KIF7: variants seen among roughly 807,000 people sequenced by gnomAD.
KIF7 encodes kinesin family member 7.
In KIF7, 104 loss-of-function variants were observed where a neutral mutation model predicts 135.7. The observed-to-expected ratio is 0.77, with a 90% confidence interval of 0.65 to 0.90. KIF7 has a LOEUF of 0.90. Among genes scored for constraint, KIF7 ranks in the 40% least tolerant of loss-of-function variants. KIF7 has a pLI of 0.00. For missense variants in KIF7, 2,005 were observed against 1,839.1 expected (o/e 1.09, Z -1.65); for synonymous variants, 883 against 809.4 (o/e 1.09, Z -1.54).
intron 14 of KIF7, among the ~76,000 whole-genome samples, chr15:89,632,571 C>A (rs923405421): frequency 6.6e-6 from 1 of 152,134 alleles, no homozygotes; most frequent in Admixed American, 6.5e-5. Flanking sequence ...CAGGATAGAA[C>A]CCAGTAGGAC....
chr15:89,632,817 C>T lies in KIF7; in HGVS notation c.2895+3G>A, dbSNP rs769493560. Reference sequence around the variant, plus strand: ...GGCAGGATCTCTCCTGGCAGGGCCTCACCTGGCTGGATCTCAGGCGCTTGC... The same window carrying T: ...GGCAGGATCTCTCCTGGCAGGGCCTTACCTGGCTGGATCTCAGGCGCTTGC... On this transcript the variant is annotated splice_donor_region_variant and intron_variant, in intron 14 of 18. Coordinates refer to ENST00000394412, the MANE Select transcript of KIF7 (RefSeq NM_198525.3). The T allele has an allele frequency of 3.1e-6, 5 of 1,603,306 alleles. No individual in the cohort carries two copies. The highest frequency in any genetic ancestry group is 4.2e-6 in the Non-Finnish European group (5 of 1,179,084).
chr15:89,628,563 C>T lies in KIF7; in HGVS notation c.3888G>A (p.Arg1296=), dbSNP rs577637542. 4 of 1,613,428 alleles carry T rather than the reference C, an allele frequency of 2.5e-6. No homozygotes were observed. The highest frequency in any genetic ancestry group is 2.7e-5 in the African/African-American group (2 of 75,066). The change falls in exon 19 of 19, where the codon CGG becomes CGA. Residue 1296 remains arginine (R), a synonymous_variant. Coordinates refer to ENST00000394412, the MANE Select transcript of KIF7 (RefSeq NM_198525.3). Reference sequence around the variant, plus strand: ...GCCCCACCAGGGGCTCAGCCGCCTCCCGCTGCCTCAGTTCCTCGGGGGACC... The same window carrying T: ...GCCCCACCAGGGGCTCAGCCGCCTCTCGCTGCCTCAGTTCCTCGGGGGACC... ...EQGSPEELRQ[R]EAAEPLVGRV...
the KIF7 span, among the ~76,000 whole-genome samples, chr15:89,661,775 G>T: frequency 6.6e-6 from 1 of 151,470 alleles, no homozygotes; most frequent in African/African-American, 2.4e-5. Flanking sequence ...AGGCTGGAGT[G>T]CAATGGCGTG....
At position 89,649,078 on chromosome 15, in the gene KIF7, G is replaced by T; in HGVS notation, c.819C>A (p.Ile273=). 6.5e-7 allele frequency: 1 copy of T among 1,548,022 alleles called. No homozygotes were observed. The highest frequency in any genetic ancestry group is 1.2e-5 in the South Asian group (1 of 84,044). The change falls in exon 4 of 19, where the codon ATC becomes ATA. Residue 273 remains isoleucine, a synonymous_variant. Coordinates refer to ENST00000394412, the MANE Select transcript of KIF7 (RefSeq NM_198525.3). The part of the protein sequence containing the change: ...GSTGERLKES[I]QINSSLLALG... ...GCGCCAGGAGGCTGCTGTTGATCTG[G>T]ATGCTCTCCTTGAGCCGCTCGCCGG...
intron 2 of KIF7, among the ~76,000 whole-genome samples, chr15:89,651,128 T>A (rs904073600): frequency 1.3e-5 from 2 of 151,784 alleles, no homozygotes; most frequent in African/African-American, 2.4e-5. Flanking sequence ...TGAGACGGAG[T>A]CTTGCTCTGT....
In KIF7 at chr15:89,631,594, G is replaced by A. The variant is rs61741227; in HGVS notation, c.3012C>T (p.Arg1004=). 1.5e-3 allele frequency: 2,299 copies of A among 1,563,000 alleles called. 32 individuals are homozygous for A. In the African/African-American group the frequency reaches 0.026, roughly 18 times the overall value. The change falls in exon 15 of 19, where the codon CGC becomes CGT. Residue 1004 remains arginine (R), a synonymous_variant. Transcript: ENST00000394412. Reference sequence around the variant, plus strand: ...CCTGGCGCAGGCTGTCGATCTCCCCGCGGATCTGCTGCTGGCTCTGGGCGC... The same window carrying A: ...CCTGGCGCAGGCTGTCGATCTCCCCACGGATCTGCTGCTGGCTCTGGGCGC... ...QGSAQSQQQI[R]GEIDSLRQEK...
intron 2 of KIF7, among the ~76,000 whole-genome samples, chr15:89,650,712 G>A (rs1287988058): frequency 1.3e-5 from 2 of 151,904 alleles, no homozygotes; most frequent in Non-Finnish European, 1.5e-5. Flanking sequence ...TATTCACAAT[G>A]GAATGCCAGG....
rs1186587043 is a variant in KIF7 at position 89,646,932 on chromosome 15, T to C, written c.1686A>G (p.Arg562=). The C allele has an allele frequency of 2.5e-6, 4 of 1,613,788 alleles. No individual in the cohort carries two copies. The South Asian group carries it at 3.3e-5, about 13-fold the overall frequency. Residue 562 remains arginine (R), a synonymous_variant, in exon 7 of 19, where the codon CGA becomes CGG. Coordinates refer to ENST00000394412, the MANE Select transcript of KIF7 (RefSeq NM_198525.3). ...CACCCCCCAGGGGGGCTGTATGAGG[T>C]CGAGGCACAAAGGACCCGGGAGGCA... ...NGLPPGSFVP[R]PHTAPLGGAH... is the part of the protein sequence containing the mutation.
chr15:89,649,209 G>T lies in KIF7; in HGVS notation c.688C>A (p.Arg230Ser), dbSNP rs1465947060. 2 of 1,545,826 alleles carry T rather than the reference G, an allele frequency of 1.3e-6. No individual in the cohort carries two copies. The highest frequency in any genetic ancestry group is 1.7e-6 in the Non-Finnish European group (2 of 1,145,684). The change falls in exon 4 of 19, where the codon CGC (arginine) becomes AGC (serine). Residue 230 changes from arginine to serine, a missense_variant. Arg to Ser is a moderately radical substitution (Grantham distance 110). Transcript: ENST00000394412. ...GGGCGGGGTAGGCGGCTGGGGGCGCGCCCCCGCTGCTCCAGGGTCACGGTG... is the reference window on the plus strand; with the variant it reads ...GGGCGGGGTAGGCGGCTGGGGGCGCTCCCCCGCTGCTCCAGGGTCACGGTG... Reference protein sequence around the residue: ...VFTVTLEQRGRAPSRLPRPAP... With the variant: ...VFTVTLEQRGSAPSRLPRPAP...
chr15:89,652,073 G>A (rs1964132648), intron 2 of KIF7, among the ~76,000 whole-genome samples: 1 of 152,220 alleles, frequency 6.6e-6, no homozygotes, highest in Non-Finnish European at 1.5e-5. Context: ...GAAGGGAGCA[G>A]AGCAAGGCAG....
chr15:89,642,859 G>A (rs1418993442), intron 10 of KIF7, among the ~76,000 whole-genome samples: 8 of 152,180 alleles, frequency 5.3e-5, no homozygotes, highest in South Asian at 2.1e-4. Flanking sequence ...GTGAGCCACC[G>A]CGCCCAGCCT....
intron 1 of KIF7, among the ~76,000 whole-genome samples, chr15:89,654,094 C>T (rs1039504053): frequency 1.3e-5 from 2 of 152,196 alleles, no homozygotes; most frequent in Admixed American, 1.3e-4. Context: ...ACTGCAAGCT[C>T]TGCCTCCTGG....
intron 1 of KIF7, chr15:89,621,346 C>G (rs372671863): frequency 6.4e-7 from 1 of 1,566,912 alleles, no homozygotes; most frequent in African/African-American, 1.4e-5. Flanking sequence ...ATTGGAAGAA[C>G]AGGAATTGAG....
At chr15:89,617,935 G>A (rs1007226618) in intron 2 of KIF7, 51 of 543,128 alleles carry the variant, frequency 9.4e-5, no homozygotes, top group African/African-American at 6.3e-4. Context: ...CAAGTGATCC[G>A]CCCGCCTTAG....
intron 11 of KIF7, among the ~76,000 whole-genome samples, chr15:89,639,832 C>T (rs968133345): frequency 1.4e-4 from 22 of 152,164 alleles, no homozygotes; most frequent in African/African-American, 4.8e-4. Context: ...GCTATAAAGA[C>T]ACATGCACAT....
chr15:89,651,462 G>A (rs756014896), intron 2 of KIF7, among the ~76,000 whole-genome samples: 19 of 147,812 alleles, frequency 1.3e-4, no homozygotes, highest in Non-Finnish European at 2.5e-4. Flanking sequence ...TCGAACTCCT[G>A]ACCTCAGGTG....
At chr15:89,625,311 G>A, downstream of KIF7, 2 of 1,614,046 alleles carry the variant, frequency 1.2e-6, no homozygotes, top group Non-Finnish European at 1.7e-6. Context: ...GGGTTCCTTG[G>A]ACACCATCCC....
At chr15:89,621,394 C>T (rs375013994) in intron 1 of KIF7, 1 of 1,592,114 alleles carries the variant, frequency 6.3e-7, no homozygotes, top group Non-Finnish European at 8.5e-7. Flanking sequence ...GACTTGCAGA[C>T]CAAAGAGAAA....
the KIF7 span, among the ~76,000 whole-genome samples, chr15:89,661,057 G>A: frequency 2.6e-5 from 4 of 152,108 alleles, no homozygotes; most frequent in Admixed American, 6.5e-5. Flanking sequence ...AAAAATAAAT[G>A]CATGTTGTTG....
Sources: gnomAD v4.1 joint callset for allele counts (sites outside exome capture counted in the v4.1 genomes callset) on GRCh38, gnomAD v4.1.1 for gene constraint, MANE v1.5 for transcripts, NCBI Gene and HGNC (gene_info 2026-07-23, HGNC 2026-07-21) for gene names.